Variants in PPFIA4 observed in about 807,000 individuals in gnomAD.
The protein encoded by PPFIA4 is PPFI scaffold protein A4, also known as liprin-alpha-4.
Under a neutral mutation model 145.7 loss-of-function variants are expected in PPFIA4, and 98 were observed. That is an observed-to-expected ratio of 0.67 (90% CI 0.57 to 0.80). The LOEUF (loss-of-function observed/expected upper bound fraction) is 0.80. PPFIA4 is among the 30% of genes least tolerant of loss of function. The pLI is 0.00. For missense variants in PPFIA4, 1,457 were observed against 1,632.7 expected (o/e 0.89, Z 1.85); for synonymous variants, 628 against 649.6 (o/e 0.97, Z 0.51).
rs1423642136 is a variant in PPFIA4, at chr1:203,063,924, C to T, written c.2971C>T (p.Leu991=). Reference sequence around the variant, plus strand: ...GTACCGCAGCTACTTCATGGAGTGCCTGGTGGACGCCCGCATGCTGGACCA... The same window carrying T: ...GTACCGCAGCTACTTCATGGAGTGCTTGGTGGACGCCCGCATGCTGGACCA... ...PQYRSYFMEC[L]VDARMLDHLT... Residue 991 remains leucine (L), a synonymous_variant, in exon 25 of 30, where the codon CTG becomes TTG. Coordinates refer to ENST00000295706, the MANE Select transcript of PPFIA4 (RefSeq NM_001304331.2). 3 of 1,613,958 alleles carry T rather than the reference C, an allele frequency of 1.9e-6. No individual in the cohort carries two copies. The highest frequency in any genetic ancestry group is 1.1e-5 in the South Asian group (1 of 91,092).
At chr1:203,045,800 G>C in intron 7 of PPFIA4, 41 bp from the exon 8 acceptor site, 1 of 1,612,420 alleles carries the variant, frequency 6.2e-7, no homozygotes. Flanking sequence ...TGGGGGCAAG[G>C]AAAGGCTGGT....
chr1:203,032,671 C>G (rs1420356429), intron 1 of PPFIA4, among the ~76,000 whole-genome samples: 1 of 146,112 alleles, frequency 6.8e-6, no homozygotes, highest in Admixed American at 7.0e-5. Flanking sequence ...TGGTCTTGAA[C>G]TCTTGGGCTC....
chr1:203,063,057 CAA>C (rs1379614667), intron 24 of PPFIA4: 1 of 152,200 alleles, frequency 6.6e-6, no homozygotes, highest in Non-Finnish European at 1.5e-5. Context: ...TAAAAGAGAA[CAA>C]AATAGACTTT....
intron 14 of PPFIA4, 139 bp from the exon 15 acceptor site, chr1:203,053,614 T>C (rs1571704511): frequency 1.4e-6 from 1 of 697,076 alleles, no homozygotes; most frequent in East Asian, 2.7e-5. Flanking sequence ...TCAGTAGGTC[T>C]GGTGGTGCGG....
Position 203,054,140 on chromosome 1 carries a change from C to T in PPFIA4, c.1829+179C>T, listed in dbSNP as rs577305723. The T allele has an allele frequency of 6.4e-4, 482 of 753,244 alleles. 6 individuals carry two copies. The South Asian group carries it at 6.6e-3, about 10-fold the overall frequency. 46.7% of individuals were successfully genotyped at this position (753,244 alleles called of 1,614,324 possible). On this transcript the variant is annotated intron_variant, in intron 15 of 29. Transcript: ENST00000295706. ...AGTGCCGGAGTGAGAGGAGCAGGGC[C>T]TCAGTGGACTTCTCAGGCTTCACCT...
At chr1:203,034,253 A>G (rs1571657626) in intron 1 of PPFIA4, among the ~76,000 whole-genome samples, 1 of 152,190 alleles carries the variant, frequency 6.6e-6, no homozygotes, top group South Asian at 2.1e-4. Flanking sequence ...GAGGCAGGCC[A>G]GTGAGGAGCT....
At chr1:203,032,495 G>A (rs1381894025) in intron 1 of PPFIA4, among the ~76,000 whole-genome samples, 1 of 150,744 alleles carries the variant, frequency 6.6e-6, no homozygotes, top group African/African-American at 2.4e-5. Flanking sequence ...TAAGTAGTGT[G>A]ATCTTGGCTT....
At chr1:203,058,639 C>T (rs1268912643) in intron 19 of PPFIA4, among the ~76,000 whole-genome samples, 2 of 152,118 alleles carry the variant, frequency 1.3e-5, no homozygotes, top group South Asian at 2.1e-4. Context: ...CCTCTGGCCA[C>T]GAATTCTGAA....
At chr1:203,076,093 C>T (rs1662521361) in intron 29 of PPFIA4, 4 of 598,600 alleles carry the variant, frequency 6.7e-6, no homozygotes, top group South Asian at 4.1e-5. Flanking sequence ...GGGCCAGGCC[C>T]GGGGACGCGG....
In PPFIA4 at chr1:203,044,418, A is replaced by G. The variant is rs1659920528; in HGVS notation, c.541A>G (p.Thr181Ala). 5.2e-6 allele frequency: 8 copies of G among 1,551,482 alleles called. No individual in the cohort carries two copies. The South Asian group carries it at 5.9e-5, about 12-fold the overall frequency. ...RLRAALERVTTLEEQLAGAHQ... is the reference protein window; with the variant it reads ...RLRAALERVTALEEQLAGAHQ... ...CCGGGCAGCGCTGGAGCGAGTCACC[A>G]CCTTGGAGGAGCAGCTGGCAGGTGC... The change falls in exon 5 of 30, where the codon ACC becomes GCC. Residue 181 changes from threonine to alanine, a missense_variant. By Grantham distance (58) the Thr-to-Ala change is moderately conservative (BLOSUM62 0). Coordinates refer to ENST00000295706, the MANE Select transcript of PPFIA4 (RefSeq NM_001304331.2).
chr1:203,063,051 A>G (rs970283478), intron 24 of PPFIA4: 1 of 152,288 alleles, frequency 6.6e-6, no homozygotes, highest in African/African-American at 2.4e-5. Flanking sequence ...ACATTGTAAA[A>G]GAGAACAAAA....
intron 16 of PPFIA4, 103 bp from the exon 17 acceptor site, chr1:203,056,017 A>G (rs1444589515): frequency 1.7e-6 from 2 of 1,181,478 alleles, no homozygotes; most frequent in Admixed American, 4.5e-5. Flanking sequence ...TGTGTGAGGC[A>G]CTGAATCCTA....
intron 25 of PPFIA4, among the ~76,000 whole-genome samples, chr1:203,065,864 T>C (rs1453488454): frequency 2.6e-5 from 4 of 152,218 alleles, no homozygotes; most frequent in Non-Finnish European, 2.9e-5. Flanking sequence ...CTCAGAGCTC[T>C]TTTCCTTGGG....
rs187319579 is a variant in PPFIA4, at chr1:203,068,723, G to T, written c.3324+95G>T. 10,080 of 1,303,770 alleles carry T rather than the reference G, an allele frequency of 7.7e-3. 62 individuals are homozygous for T. Among genetic ancestry groups the T allele is most frequent in the Non-Finnish European group, 9.2e-3 (9,121 of 993,848 alleles). The allele number at this position is 1,303,770 out of a possible 1,614,324, so 80.8% of individuals were successfully genotyped here. On this transcript the variant is annotated intron_variant, in intron 27 of 29. Transcript: ENST00000295706. This position sits in a 1 kb window ranked among gnomAD's most constrained non-coding sequence, Gnocchi z 4.7. ...CATACACAAAGGCTTAGGTATCTTGGGGGGTGGGGAGCTTTTCTAGGGCCT... is the reference window on the plus strand; with the variant it reads ...CATACACAAAGGCTTAGGTATCTTGTGGGGTGGGGAGCTTTTCTAGGGCCT...
At chr1:203,069,831 A>G (rs77998212) in intron 27 of PPFIA4, among the ~76,000 whole-genome samples, 2,668 of 133,668 alleles carry the variant, frequency 0.02, 35 homozygotes, top group Middle Eastern at 0.057. Flanking sequence ...AGGAGCCTGG[A>G]TTTTTCCCCC....
chr1:203,053,882 TC>T lies in PPFIA4; in HGVS notation c.1755del (p.Ser586AlafsTer11). 1.9e-6 allele frequency: 3 copies of T among 1,561,750 alleles called. No homozygotes were observed. The highest frequency in any genetic ancestry group is 1.7e-6 in the Non-Finnish European group (2 of 1,152,548). On this transcript the variant is annotated frameshift_variant, in exon 15 of 30. Transcript: ENST00000295706. LOFTEE classifies it high-confidence loss of function. ...TCTGGTGGGCTCTGCGGATGTTGTCTCCCCCAGCGGCCACTCAGATGCCCAG... is the reference window on the plus strand; with the variant it reads ...TCTGGTGGGCTCTGCGGATGTTGTCTCCCCAGCGGCCACTCAGATGCCCAG... ...GGLVGSADVV[S>X]PSGHSDAQTL...
intron 23 of PPFIA4, 65 bp from the exon 24 acceptor site, chr1:203,061,587 G>T: frequency 6.6e-7 from 1 of 1,503,814 alleles, no homozygotes; most frequent in Non-Finnish European, 9.0e-7. Flanking sequence ...TGGGGCCTAG[G>T]GTAGAGCTGA....
At position 203,055,608 on chromosome 1, in the gene PPFIA4, C is replaced by T. The variant is rs760438337; in HGVS notation, c.2006C>T (p.Ser669Phe). The T allele has an allele frequency of 7.4e-6, 12 of 1,614,032 alleles. No individual in the cohort carries two copies. In the South Asian group the frequency reaches 1.2e-4, roughly 16 times the overall value. The change falls in exon 16 of 30, where the codon TCC (serine) becomes TTC (phenylalanine). Residue 669 changes from serine (S) to phenylalanine (F), a missense_variant. Transcript: ENST00000295706. This position sits in a 1 kb window ranked among gnomAD's most constrained non-coding sequence, Gnocchi z 4.8. ...ASASPPLSGRSTPKLTSRSAA... is the reference protein window; with the variant it reads ...ASASPPLSGRFTPKLTSRSAA... ...GCGTCCCCACCACTCAGCGGCCGCT[C>T]CACACCTAAGCTCACCTCCCGCAGT... is the stretch of plus-strand genomic sequence containing the variant.
At chr1:203,044,286 C>T (rs547035511) in intron 4 of PPFIA4, 93 bp from the exon 5 acceptor site, 11 of 1,280,462 alleles carry the variant, frequency 8.6e-6, no homozygotes, top group African/African-American at 3.0e-5. Context: ...TCACTGTCCT[C>T]ATGCTCAGTG....
Sources: gnomAD v4.1 joint callset for allele counts (sites outside exome capture counted in the v4.1 genomes callset) on GRCh38, gnomAD v4.1.1 for gene constraint, Gnocchi (gnomAD v3.1) non-coding constraint, MANE v1.5 for transcripts, NCBI Gene and HGNC (gene_info 2026-07-23, HGNC 2026-07-21) for gene names.